DAPK1: variants seen among roughly 807,000 people sequenced by gnomAD.
The protein encoded by DAPK1 is death associated protein kinase 1, also known as death-associated protein kinase 1.
Under a neutral mutation model 144.9 loss-of-function variants are expected in DAPK1, and 56 were observed. That is an observed-to-expected ratio of 0.39 (90% CI 0.31 to 0.48). DAPK1 has a LOEUF of 0.48. Among genes scored for constraint, DAPK1 ranks in the 20% least tolerant of loss-of-function variants. The probability of loss-of-function intolerance (pLI) is 0.95; values close to 1 mark genes in which losing one functional copy is unlikely to be tolerated. For synonymous variants in DAPK1, 690 were observed against 749.0 expected (o/e 0.92, Z 1.29); for missense variants, 1,454 against 1,875.4 (o/e 0.78, Z 4.15).
At chr9:87,619,275 A>G (rs1829207947) in intron 3 of DAPK1, among the ~76,000 whole-genome samples, 1 of 152,160 alleles carries the variant, frequency 6.6e-6, no homozygotes, top group South Asian at 2.1e-4. Flanking sequence ...TATTTTAAAC[A>G]TTTATGTGTC....
At chr9:87,703,928 G>A (rs1000092445) in intron 25 of DAPK1, among the ~76,000 whole-genome samples, 3 of 152,124 alleles carry the variant, frequency 2.0e-5, no homozygotes, top group African/African-American at 7.2e-5. Flanking sequence ...AACTAGTGTG[G>A]GCCAAGAAGA....
rs975133662 is a variant in DAPK1, at chr9:87,647,336, G to A, written c.1262G>A (p.Arg421Gln). 7 of 1,614,172 alleles carry A rather than the reference G, an allele frequency of 4.3e-6. No homozygotes were observed. The highest frequency in any genetic ancestry group is 1.3e-5 in the African/African-American group (1 of 75,028). Residue 421 changes from arginine (R) to glutamine (Q), a missense_variant, in exon 14 of 26, where the codon CGG becomes CAG. This residue lies in a region of DAPK1 where 429 missense variants were observed against 637.5 expected (regional missense o/e 0.67). Coordinates refer to ENST00000408954, the MANE Select transcript of DAPK1 (RefSeq NM_004938.4). ...TCCAATGCCGTCTACTGGGCTGCTC[G>A]GCATGGCCACGTCGATACCTTGAAA... ...GGSNAVYWAA[R>Q]HGHVDTLKFL...
At chr9:87,639,274 TGGA>T in intron 4 of DAPK1, 77 bp from the exon 5 acceptor site, 2 of 1,259,316 alleles carry the variant, frequency 1.6e-6, no homozygotes, top group South Asian at 1.8e-5. Context: ...TTTTTTTTTT[TGGA>T]GAGAAGAACT....
At chr9:87,676,744 C>A (rs968300311) in intron 19 of DAPK1, among the ~76,000 whole-genome samples, 1 of 152,194 alleles carries the variant, frequency 6.6e-6, no homozygotes, top group Admixed American at 6.5e-5. Flanking sequence ...TCCAATATTT[C>A]ACTCCAAAGG....
intron 3 of DAPK1, among the ~76,000 whole-genome samples, chr9:87,635,127 A>C (rs1475461983): frequency 1.3e-5 from 2 of 152,026 alleles, no homozygotes; most frequent in African/African-American, 4.8e-5. Flanking sequence ...AGCTGGCAGG[A>C]GAAGGAGATC....
At position 87,686,915 on chromosome 9, in the gene DAPK1, A is replaced by G. The variant is rs1019615156; in HGVS notation, c.2413+176A>G. 76 of 938,924 alleles carry G rather than the reference A, an allele frequency of 8.1e-5. 1 individual carries two copies. Among genetic ancestry groups the G allele is most frequent in the Non-Finnish European group, 8.4e-5 (66 of 787,544 alleles). 58.2% of individuals were successfully genotyped at this position (938,924 alleles called of 1,614,324 possible). On this transcript the variant is annotated intron_variant, in intron 21 of 25. Transcript: ENST00000408954. This position sits in a 1 kb window ranked among gnomAD's most constrained non-coding sequence, Gnocchi z 4.2. ...GCATGGCTGGCTACCATCCCTAAAC[A>G]GTGAAATTAAACACTGGGGTATTGT...
At chr9:87,616,065 A>C (rs556246117) in intron 3 of DAPK1, among the ~76,000 whole-genome samples, 2 of 152,244 alleles carry the variant, frequency 1.3e-5, no homozygotes, top group African/African-American at 4.8e-5. Flanking sequence ...GCAGTGATTT[A>C]GAAGCTTTTG....
At chr9:87,644,263 G>T (rs570698139) in intron 11 of DAPK1, among the ~76,000 whole-genome samples, 1 of 152,036 alleles carries the variant, frequency 6.6e-6, no homozygotes, top group Non-Finnish European at 1.5e-5. Flanking sequence ...CTTCAGATAC[G>T]AGTGGAAGTG....
intron 2 of DAPK1, among the ~76,000 whole-genome samples, chr9:87,508,861 A>G (rs1824717527): frequency 6.6e-6 from 1 of 152,236 alleles, no homozygotes; most frequent in South Asian, 2.1e-4. Context: ...GGATAGGTAC[A>G]CCTAAAGCAA....
At chr9:87,674,043 A>G (rs1824271355) in intron 19 of DAPK1, among the ~76,000 whole-genome samples, 1 of 152,170 alleles carries the variant, frequency 6.6e-6, no homozygotes, top group Non-Finnish European at 1.5e-5. Context: ...CTTCTATGGG[A>G]AAGGGGTTGA....
intron 2 of DAPK1, among the ~76,000 whole-genome samples, chr9:87,549,478 C>T (rs1480865466): frequency 1.3e-5 from 2 of 152,066 alleles, no homozygotes; most frequent in Admixed American, 6.6e-5. Flanking sequence ...GGATTTCATT[C>T]TAATGTAGTT....
At chr9:87,610,696 G>A (rs1280837114) in intron 3 of DAPK1, among the ~76,000 whole-genome samples, 1 of 152,206 alleles carries the variant, frequency 6.6e-6, no homozygotes. Context: ...TCAGTGTCAG[G>A]GATGCACCAG....
chr9:87,605,615 G>A (rs535658496), intron 3 of DAPK1, among the ~76,000 whole-genome samples: 1 of 149,182 alleles, frequency 6.7e-6, no homozygotes, highest in Admixed American at 6.7e-5. Flanking sequence ...TTAAATGCAC[G>A]AACCCCATTT....
chr9:87,521,710 A>G (rs1825304771), intron 2 of DAPK1, among the ~76,000 whole-genome samples: 1 of 152,214 alleles, frequency 6.6e-6, no homozygotes, highest in Non-Finnish European at 1.5e-5. Flanking sequence ...CATTTAGGAA[A>G]GAGAAGACCT....
intron 19 of DAPK1, among the ~76,000 whole-genome samples, chr9:87,673,396 T>C (rs1289858506): frequency 6.6e-6 from 1 of 152,206 alleles, no homozygotes; most frequent in African/African-American, 2.4e-5. Context: ...TCAGTTGACA[T>C]TGCCTAGCAA....
intron 2 of DAPK1, among the ~76,000 whole-genome samples, chr9:87,597,888 C>G (rs552091704): frequency 6.6e-6 from 1 of 152,294 alleles, no homozygotes; most frequent in South Asian, 2.1e-4. Flanking sequence ...ACTCCTGACT[C>G]ACGCTCAGCC....
At chr9:87,701,717 T>G in intron 24 of DAPK1, 4 of 283,986 alleles carry the variant, frequency 1.4e-5, no homozygotes, top group Non-Finnish European at 2.9e-5. Flanking sequence ...TGCCTCTGGG[T>G]GTATTTTTTT....
At position 87,571,469 on chromosome 9, in the gene DAPK1, A is replaced by C. The variant is rs907203195; in HGVS notation, c.63-33485A>C. 1.8e-3 allele frequency among the ~76,000 whole-genome samples: 99 copies of C among 54,474 alleles called. 4 individuals carry two copies. Among genetic ancestry groups the C allele is most frequent in the East Asian group, 9.7e-3 (17 of 1,744 alleles). The allele number at this position is 54,474 out of a possible 152,430, so 35.7% of individuals were successfully genotyped here. On this transcript the variant is annotated intron_variant, in intron 2 of 25. Transcript: ENST00000408954. ...CACACACACACACACACACACACACACACACCAACACACACACACACACAC... is the reference window on the plus strand; with the variant it reads ...CACACACACACACACACACACACACCCACACCAACACACACACACACACAC...
intron 2 of DAPK1, among the ~76,000 whole-genome samples, chr9:87,532,477 C>T (rs955852423): frequency 2.6e-5 from 4 of 152,168 alleles, no homozygotes; most frequent in African/African-American, 9.7e-5. Flanking sequence ...AGTTTGCTGA[C>T]CCCTGGTTTA....
Sources: gnomAD v4.1 joint callset for allele counts (sites outside exome capture counted in the v4.1 genomes callset) on GRCh38, gnomAD v4.1.1 for gene constraint, gnomAD v4.1.1 regional missense constraint, Gnocchi (gnomAD v3.1) non-coding constraint, MANE v1.5 for transcripts, NCBI Gene and HGNC (gene_info 2026-07-23, HGNC 2026-07-21) for gene names.